The following PARL variants were observed in gnomAD, a reference collection of about 807,000 sequenced individuals.
PARL encodes the protein presenilin-associated rhomboid-like protein, mitochondrial.
A neutral mutation model predicts 51.6 loss-of-function variants in PARL; 44 were observed. That is an observed-to-expected ratio of 0.85 (90% CI 0.67 to 1.10). The LOEUF is 1.10. Ranked by LOEUF, PARL falls within the 50% of genes least tolerant of loss-of-function variation. PARL has a pLI of 0.00. For synonymous variants in PARL, 172 were observed against 164.0 expected (o/e 1.05, Z -0.37); for missense variants, 441 against 469.5 (o/e 0.94, Z 0.56).
At chr3:183,854,103 G>A (rs1317949682) in intron 4 of PARL, among the ~76,000 whole-genome samples, 2 of 152,040 alleles carry the variant, frequency 1.3e-5, no homozygotes, top group Non-Finnish European at 2.9e-5. Flanking sequence ...AAATTAGCCG[G>A]GCATGGTGGT....
rs56354792 is a variant in PARL at position 183,836,217 on chromosome 3, C to CAAAAAAAA, written c.829-2400_829-2393dup. Reference sequence around the variant, plus strand: ...GGGCAACAAGAACGAAACTCCATCTCAAAAAAAAAAAAAAAAAAAAAAAAA... The same window carrying CAAAAAAAA: ...GGGCAACAAGAACGAAACTCCATCTCAAAAAAAAAAAAAAAAAAAAAAAAAAAAAAAAA... On this transcript the variant is annotated intron_variant, in intron 7 of 9. Coordinates refer to ENST00000317096, the MANE Select transcript of PARL (RefSeq NM_018622.7). Among the ~76,000 whole-genome samples, 45 of 84,254 alleles carry CAAAAAAAA rather than the reference C, an allele frequency of 5.3e-4. 1 individual carries two copies. Among genetic ancestry groups the CAAAAAAAA allele is most frequent in the African/African-American group, 2.2e-3 (43 of 19,144 alleles). 55.3% of individuals were successfully genotyped at this position (84,254 alleles called of 152,430 possible). A position where few individuals can be genotyped will look rare whatever the true frequency, so the allele number is the denominator to read the frequency against.
intron 4 of PARL, among the ~76,000 whole-genome samples, chr3:183,847,707 C>T (rs115721849): frequency 0.011 from 1,699 of 152,164 alleles, 30 homozygotes; most frequent in African/African-American, 0.039. Flanking sequence ...AAGTCTGAAT[C>T]CTAAGTATGT....
intron 7 of PARL, among the ~76,000 whole-genome samples, chr3:183,838,157 G>T (rs1728864397): frequency 6.6e-6 from 1 of 151,820 alleles, no homozygotes; most frequent in Admixed American, 6.6e-5. Context: ...TCCTGAGTAG[G>T]TAGGATTACA....
Position 183,867,971 on chromosome 3 carries a change from TCAC to T in PARL, c.212_214del (p.Gly71del). 6.2e-7 allele frequency: 1 copy of T among 1,614,012 alleles called. No individual in the cohort carries two copies. Among genetic ancestry groups the T allele is most frequent in the Non-Finnish European group, 8.5e-7 (1 of 1,179,852 alleles). Reference sequence around the variant, plus strand: ...AATCAAAGCACTTCTCTTGTATGCTTCACCACTTGTCCCTGGGTCTGATCTTCG... The same window carrying T: ...AATCAAAGCACTTCTCTTGTATGCTTCACTTGTCCCTGGGTCTGATCTTCG... On this transcript the variant is annotated inframe_deletion, in exon 2 of 10. Coordinates refer to ENST00000317096, the MANE Select transcript of PARL (RefSeq NM_018622.7).
chr3:183,843,367 A>T (rs2108614013), intron 5 of PARL: 1 of 834,074 alleles, frequency 1.2e-6, no homozygotes, highest in South Asian at 5.5e-5. Context: ...AACAAAAAAA[A>T]TTAGCTGGGC....
intron 7 of PARL, among the ~76,000 whole-genome samples, chr3:183,839,387 A>T (rs1729023551): frequency 6.6e-6 from 1 of 152,212 alleles, no homozygotes; most frequent in Non-Finnish European, 1.5e-5. Context: ...CATTAAACTC[A>T]AAAGACACTT....
intron 1 of PARL, among the ~76,000 whole-genome samples, chr3:183,868,919 G>A (rs1732846973): frequency 6.6e-6 from 1 of 152,016 alleles, no homozygotes; most frequent in East Asian, 1.9e-4. Context: ...TTATTTGTGA[G>A]CTGTTACCCC....
chr3:183,878,595 C>T (rs906248550), intron 1 of PARL, among the ~76,000 whole-genome samples: 1 of 152,266 alleles, frequency 6.6e-6, no homozygotes, highest in Admixed American at 6.5e-5. Context: ...GACCCAAGGC[C>T]TTAGTAGTTG....
intron 6 of PARL, among the ~76,000 whole-genome samples, 169 bp from the exon 7 acceptor site, chr3:183,840,809 A>G (rs1409393253): frequency 1.3e-5 from 2 of 151,512 alleles, no homozygotes; most frequent in African/African-American, 4.9e-5. Context: ...ACCGGGTTCA[A>G]GTTATTCTTG....
At chr3:183,834,875 TACTAAA>T (rs1163211391) in intron 7 of PARL, among the ~76,000 whole-genome samples, 1 of 93,352 alleles carries the variant, frequency 1.1e-5, no homozygotes, top group Non-Finnish European at 2.0e-5. Flanking sequence ...ACCCCGTCTC[TACTAAA>T]AATACAAAAA....
At chr3:183,859,849 A>G (rs1198479163) in intron 4 of PARL, among the ~76,000 whole-genome samples, 2 of 152,152 alleles carry the variant, frequency 1.3e-5, no homozygotes, top group African/African-American at 2.4e-5. Flanking sequence ...AAATCTTTCC[A>G]TCCAAATTCA....
At chr3:183,857,153 C>T (rs1731268622) in intron 4 of PARL, among the ~76,000 whole-genome samples, 1 of 152,136 alleles carries the variant, frequency 6.6e-6, no homozygotes, top group Non-Finnish European at 1.5e-5. Flanking sequence ...CACTTGAGCC[C>T]AGGAGCTCAA....
At chr3:183,858,274 T>G (rs1731391426) in intron 4 of PARL, among the ~76,000 whole-genome samples, 1 of 152,114 alleles carries the variant, frequency 6.6e-6, no homozygotes, top group Non-Finnish European at 1.5e-5. Flanking sequence ...TAAGGAGGCC[T>G]TAGTCTGGGA....
intron 9 of PARL, among the ~76,000 whole-genome samples, 188 bp from the exon 10 acceptor site, chr3:183,829,897 T>C (rs1020721344): frequency 2.6e-5 from 4 of 152,228 alleles, no homozygotes; most frequent in African/African-American, 9.6e-5. Flanking sequence ...AGAAGTAGGA[T>C]GGGACGATGG....
rs71963110 is a variant in PARL, at chr3:183,882,245, T to TTATA, written c.125+2473_125+2476dup. ...AAAATATATATATATATATATATAT[T>TTATA]TATATATATATATATATATATATTT... On this transcript the variant is annotated intron_variant, in intron 1 of 9. Transcript: ENST00000317096. Among the ~76,000 whole-genome samples, 35 of 29,348 alleles carry TTATA rather than the reference T, an allele frequency of 1.2e-3. 1 individual carries two copies. Among genetic ancestry groups the TTATA allele is most frequent in the Non-Finnish European group, 1.4e-3 (22 of 15,556 alleles). 19.3% of individuals were successfully genotyped at this position (29,348 alleles called of 152,430 possible).
At chr3:183,864,451 C>G (rs1290824250) in intron 3 of PARL, among the ~76,000 whole-genome samples, 1 of 151,862 alleles carries the variant, frequency 6.6e-6, no homozygotes, top group East Asian at 1.9e-4. Flanking sequence ...TAACTAAAAT[C>G]TCAGTGTTCA....
At chr3:183,865,774 G>T (rs1242071612) in intron 3 of PARL, among the ~76,000 whole-genome samples, 1 of 152,042 alleles carries the variant, frequency 6.6e-6, no homozygotes, top group African/African-American at 2.4e-5. Flanking sequence ...TAAAACAGTG[G>T]CCTTTAAACT....
chr3:183,874,657 T>C (rs6787287), intron 1 of PARL, among the ~76,000 whole-genome samples: 89,864 of 151,920 alleles, frequency 0.59, 27,028 homozygotes, highest in Middle Eastern at 0.7. Context: ...ATCCTCCCGC[T>C]TCGGCCTCCC....
intron 4 of PARL, among the ~76,000 whole-genome samples, chr3:183,857,301 C>T (rs979626229): frequency 2.6e-5 from 4 of 152,216 alleles, no homozygotes; most frequent in African/African-American, 9.6e-5. Context: ...TTCCATTTAT[C>T]AATCCAGGTG....
Sources: gnomAD v4.1 joint callset for allele counts (sites outside exome capture counted in the v4.1 genomes callset) on GRCh38, gnomAD v4.1.1 for gene constraint, MANE v1.5 for transcripts, NCBI Gene and HGNC (gene_info 2026-07-23, HGNC 2026-07-21) for gene names.